Variants in CALN1 observed in about 807,000 individuals in gnomAD.
CALN1 encodes the protein calcium-binding protein 8.
In CALN1, 17 loss-of-function variants were observed where a neutral mutation model predicts 30.6. The observed-to-expected ratio is 0.56, with a 90% CI of 0.38 to 0.83. CALN1 has a LOEUF of 0.83. Ranked by LOEUF, CALN1 falls within the 40% of genes least tolerant of loss-of-function variation. The pLI, the probability that CALN1 is intolerant of heterozygous loss-of-function variation, is 0.00. For synonymous variants in CALN1, 156 were observed against 131.4 expected, an observed-to-expected ratio of 1.19 and a Z score of -1.28; for missense variants, 291 against 354.9, an observed-to-expected ratio of 0.82 and a Z score of 1.45.
intron 2 of CALN1, among the ~76,000 whole-genome samples, chr7:72,379,283 C>A (rs1423545671): frequency 6.6e-6 from 1 of 152,120 alleles, no homozygotes; most frequent in Non-Finnish European, 1.5e-5. Context: ...GTGTGAAGCA[C>A]CACACCCGGC....
chr7:71,955,960 A>G (rs7803466), intron 5 of CALN1, among the ~76,000 whole-genome samples: 82,226 of 151,038 alleles, frequency 0.54, 22,750 homozygotes, highest in South Asian at 0.6. Context: ...CCCAACCGAG[A>G]TAGTATAGAC....
chr7:71,987,638 C>T (rs1356846482), intron 5 of CALN1, among the ~76,000 whole-genome samples: 2 of 152,146 alleles, frequency 1.3e-5, no homozygotes, highest in South Asian at 4.1e-4. Context: ...GCTTAGGAGG[C>T]AGATCATGAA....
At chr7:72,251,697 T>C (rs1238602847) in intron 3 of CALN1, among the ~76,000 whole-genome samples, 1 of 152,104 alleles carries the variant, frequency 6.6e-6, no homozygotes, top group Non-Finnish European at 1.5e-5. Flanking sequence ...CACCATGCCG[T>C]AGCTTATTTT....
chr7:72,094,216 A>T (rs923759414), intron 4 of CALN1, among the ~76,000 whole-genome samples: 7 of 152,218 alleles, frequency 4.6e-5, no homozygotes, highest in Non-Finnish European at 8.8e-5. Context: ...AAATCAAAGA[A>T]GATACACTGT....
intron 5 of CALN1, among the ~76,000 whole-genome samples, chr7:71,957,420 G>A (rs541856018): frequency 3.3e-5 from 5 of 152,162 alleles, no homozygotes; most frequent in East Asian, 1.9e-4. Context: ...CACTCTTTTC[G>A]TAGTAAGCAA....
chr7:72,070,199 G>A (rs1343512049), intron 4 of CALN1, among the ~76,000 whole-genome samples: 1 of 152,152 alleles, frequency 6.6e-6, no homozygotes, highest in Non-Finnish European at 1.5e-5. Flanking sequence ...TGAAAAGGGA[G>A]GGCAGAGGAA....
At chr7:72,090,126 C>G (rs1805753596) in intron 4 of CALN1, among the ~76,000 whole-genome samples, 1 of 152,104 alleles carries the variant, frequency 6.6e-6, no homozygotes, top group Non-Finnish European at 1.5e-5. Flanking sequence ...GGTGAAACCC[C>G]ATGTCTACTA....
At chr7:72,319,518 T>C (rs1330289216) in intron 2 of CALN1, among the ~76,000 whole-genome samples, 5 of 152,124 alleles carry the variant, frequency 3.3e-5, no homozygotes, top group Admixed American at 6.5e-5. Context: ...CAAAATGAGA[T>C]TTGGGTGGGG....
At chr7:72,413,292 T>G (rs1382741590), upstream of CALN1, among the ~76,000 whole-genome samples, 1 of 147,826 alleles carries the variant, frequency 6.8e-6, no homozygotes, top group East Asian at 2.0e-4. Flanking sequence ...ACACACCACA[T>G]GTACACACAC....
At chr7:72,394,496 G>C (rs1189857772) in intron 2 of CALN1, among the ~76,000 whole-genome samples, 1 of 152,070 alleles carries the variant, frequency 6.6e-6, no homozygotes, top group African/African-American at 2.4e-5. Flanking sequence ...TACGGGACTG[G>C]TCCAGTACAT....
At chr7:72,391,054 C>T (rs955323336) in intron 2 of CALN1, among the ~76,000 whole-genome samples, 2 of 152,104 alleles carry the variant, frequency 1.3e-5, no homozygotes, top group African/African-American at 4.8e-5. Context: ...ACTCCCAAGC[C>T]TTCGGTAAAA....
In CALN1 at chr7:72,191,237, A is replaced by G. The variant is rs559133135; in HGVS notation, c.245-84943T>C. 2.0e-4 allele frequency among the ~76,000 whole-genome samples: 31 copies of G among 152,330 alleles called. No homozygotes were observed. In the East Asian group the frequency reaches 5.2e-3, roughly 26 times the overall value. On this transcript the variant is annotated intron_variant, in intron 3 of 6. Coordinates refer to ENST00000395275, the MANE Select transcript of CALN1 (RefSeq NM_031468.4). ...CAACTTCAAAGCCTTTGGATCCTAC[A>G]AGATGAACAGAGAACAACGTAGCAA...
At chr7:72,405,055 G>C (rs1480470015) in intron 1 of CALN1, among the ~76,000 whole-genome samples, 1 of 152,156 alleles carries the variant, frequency 6.6e-6, no homozygotes, top group Non-Finnish European at 1.5e-5. Flanking sequence ...CAACCTCCGA[G>C]GTCTCTGGTT....
At chr7:72,390,594 T>C (rs566442039) in intron 2 of CALN1, among the ~76,000 whole-genome samples, 5 of 152,232 alleles carry the variant, frequency 3.3e-5, no homozygotes, top group Admixed American at 2.0e-4. Context: ...ATAAATGAAA[T>C]CTAGCATTTT....
intron 2 of CALN1, among the ~76,000 whole-genome samples, chr7:72,289,163 C>T (rs1286464165): frequency 6.6e-6 from 1 of 152,208 alleles, no homozygotes; most frequent in Middle Eastern, 3.4e-3. Flanking sequence ...TGCTGTTCAC[C>T]TATTCATACT....
At chr7:71,939,932 A>G (rs1323950427) in intron 5 of CALN1, among the ~76,000 whole-genome samples, 1 of 152,194 alleles carries the variant, frequency 6.6e-6, no homozygotes, top group Non-Finnish European at 1.5e-5. Context: ...ATCAACTCCA[A>G]TGGACAGAGG....
chr7:72,165,349 C>T (rs781558751), intron 3 of CALN1, among the ~76,000 whole-genome samples: 6 of 152,104 alleles, frequency 3.9e-5, no homozygotes, highest in African/African-American at 1.2e-4. Context: ...AAGTTGAGGT[C>T]ATGAGTTTGA....
the CALN1 span, among the ~76,000 whole-genome samples, chr7:72,462,231 G>A: frequency 6.6e-6 from 1 of 152,004 alleles, no homozygotes; most frequent in African/African-American, 2.4e-5. Flanking sequence ...ACCTAGGCTG[G>A]AGTGCAATAA....
At chr7:72,222,007 T>C (rs1329817558) in intron 3 of CALN1, among the ~76,000 whole-genome samples, 3 of 150,222 alleles carry the variant, frequency 2.0e-5, no homozygotes. Flanking sequence ...GGGCGGATCA[T>C]TTGGGCTCAG....
Sources: gnomAD v4.1 joint callset for allele counts (sites outside exome capture counted in the v4.1 genomes callset) on GRCh38, gnomAD v4.1.1 for gene constraint, MANE v1.5 for transcripts, NCBI Gene and HGNC (gene_info 2026-07-23, HGNC 2026-07-21) for gene names.